The following RPS6KA5 variants were observed in gnomAD, a reference collection of about 807,000 sequenced individuals.
RPS6KA5 encodes ribosomal protein S6 kinase alpha-5.
Under a neutral mutation model 85.5 loss-of-function variants are expected in RPS6KA5, and 27 were observed. The observed-to-expected ratio is 0.32, with a 90% confidence interval of 0.23 to 0.44. RPS6KA5 has a LOEUF of 0.44. RPS6KA5 is among the 20% of genes least tolerant of loss of function. RPS6KA5 has a pLI of 1.00. For missense variants in RPS6KA5, 811 were observed against 980.9 expected, an observed-to-expected ratio of 0.83 and a Z score of 2.31; for synonymous variants, 334 against 348.2, an observed-to-expected ratio of 0.96 and a Z score of 0.46.
chr14:90,906,328 A>G (rs1566722990), intron 7 of RPS6KA5, 29 bp from the exon 8 acceptor site: 1 of 1,537,124 alleles, frequency 6.5e-7, no homozygotes, highest in Non-Finnish European at 8.8e-7. Flanking sequence ...TGCTGTTAAA[A>G]CAAACAGGAT....
At chr14:90,979,682 T>C in intron 2 of RPS6KA5, among the ~76,000 whole-genome samples, 1 of 152,262 alleles carries the variant, frequency 6.6e-6, no homozygotes. Flanking sequence ...CTAATAATCC[T>C]GAGAAGGAGC....
At chr14:91,023,295 T>C (rs1388491396) in intron 1 of RPS6KA5, among the ~76,000 whole-genome samples, 1 of 144,134 alleles carries the variant, frequency 6.9e-6, no homozygotes, top group Non-Finnish European at 1.5e-5. Flanking sequence ...AAATTTTTTC[T>C]TTTTTTTTTT....
At chr14:90,983,112 CAAA>C (rs71117392) in intron 2 of RPS6KA5, among the ~76,000 whole-genome samples, 2 of 137,246 alleles carry the variant, frequency 1.5e-5, no homozygotes, top group Non-Finnish European at 1.6e-5. Flanking sequence ...GATTCCATCT[CAAA>C]AAAAAAAAAA....
At chr14:91,013,720 T>G (rs2041360364) in intron 1 of RPS6KA5, among the ~76,000 whole-genome samples, 1 of 152,174 alleles carries the variant, frequency 6.6e-6, no homozygotes, top group Non-Finnish European at 1.5e-5. Context: ...AGGAGAAGAT[T>G]ATCAGTTCTG....
chr14:91,006,358 T>C (rs912438342), intron 1 of RPS6KA5, among the ~76,000 whole-genome samples: 5 of 152,188 alleles, frequency 3.3e-5, no homozygotes, highest in African/African-American at 7.2e-5. Context: ...ATCTGAATGT[T>C]TGTATCCTCC....
At chr14:90,998,707 A>T (rs1484383449) in intron 2 of RPS6KA5, among the ~76,000 whole-genome samples, 1 of 152,246 alleles carries the variant, frequency 6.6e-6, no homozygotes, top group East Asian at 1.9e-4. Flanking sequence ...TGAAGGTGGA[A>T]ATGTACAATA....
rs1463411322 is a variant in RPS6KA5, at chr14:90,854,175, G to A, written c.*17899C>T. 8.0e-6 allele frequency: 1 copy of A among 125,080 alleles called. No individual in the cohort carries two copies. Among genetic ancestry groups the A allele is most frequent in the Non-Finnish European group, 1.5e-5 (1 of 64,676 alleles). The allele number at this position is 125,080 out of a possible 1,614,324, so 7.7% of individuals were successfully genotyped here. ...TGCAAACTAATTTTAAGTAATTATAGTGCAAGGAGCCTGATGTATGAAGAT... is the reference window on the plus strand; with the variant it reads ...TGCAAACTAATTTTAAGTAATTATAATGCAAGGAGCCTGATGTATGAAGAT... On this transcript the variant is annotated 3_prime_UTR_variant, in exon 17 of 17. Transcript: ENST00000614987.
At chr14:90,894,658 ACTAT>A (rs2034739591) in intron 12 of RPS6KA5, 75 bp from the exon 13 acceptor site, 2 of 1,473,474 alleles carry the variant, frequency 1.4e-6, no homozygotes, top group Non-Finnish European at 1.8e-6. Flanking sequence ...ACATTTATTG[ACTAT>A]CTACCACCAA....
At chr14:90,998,987 TG>T (rs1464282442) in intron 2 of RPS6KA5, among the ~76,000 whole-genome samples, 1 of 152,118 alleles carries the variant, frequency 6.6e-6, no homozygotes, top group East Asian at 1.9e-4. Context: ...ACCAGCACTT[TG>T]GGAGGCTGAG....
chr14:90,934,834 T>C (rs2037176302), intron 5 of RPS6KA5, among the ~76,000 whole-genome samples: 1 of 152,170 alleles, frequency 6.6e-6, no homozygotes, highest in Non-Finnish European at 1.5e-5. Context: ...ATCTCACTAA[T>C]GAACGGCTCA....
chr14:90,906,559 T>A (rs2035516062), intron 7 of RPS6KA5, among the ~76,000 whole-genome samples: 1 of 151,946 alleles, frequency 6.6e-6, no homozygotes, highest in Non-Finnish European at 1.5e-5. Context: ...GAGGCTAACA[T>A]CCCAAATATT....
At chr14:90,915,774 C>T (rs1406417105) in intron 7 of RPS6KA5, among the ~76,000 whole-genome samples, 1 of 151,796 alleles carries the variant, frequency 6.6e-6, no homozygotes, top group East Asian at 1.9e-4. Flanking sequence ...CCACTATATC[C>T]AGACTTGGTG....
chr14:91,059,389 C>A (rs546526708), intron 1 of RPS6KA5, among the ~76,000 whole-genome samples: 2 of 150,060 alleles, frequency 1.3e-5, no homozygotes, highest in Admixed American at 1.3e-4. Context: ...CTGTCAAAAA[C>A]CTTCAACGCT....
intron 12 of RPS6KA5, among the ~76,000 whole-genome samples, chr14:90,898,370 C>T (rs1279979413): frequency 6.6e-6 from 1 of 152,114 alleles, no homozygotes; most frequent in Non-Finnish European, 1.5e-5. Flanking sequence ...CTGCTGCTGC[C>T]TGGTCTCACC....
At chr14:90,891,127 C>T (rs2034528417) in intron 13 of RPS6KA5, among the ~76,000 whole-genome samples, 1 of 151,776 alleles carries the variant, frequency 6.6e-6, no homozygotes, top group African/African-American at 2.4e-5. Flanking sequence ...TGTCTTCATC[C>T]CCATTATGTC....
At chr14:90,951,970 C>A (rs1283360763) in intron 3 of RPS6KA5, among the ~76,000 whole-genome samples, 1 of 152,148 alleles carries the variant, frequency 6.6e-6, no homozygotes. Flanking sequence ...TCCTTTTCCT[C>A]TTTTTGATGC....
chr14:91,029,711 G>A (rs2042112705), intron 1 of RPS6KA5, among the ~76,000 whole-genome samples: 1 of 152,084 alleles, frequency 6.6e-6, no homozygotes, highest in Admixed American at 6.6e-5. Flanking sequence ...AAAAATCTTA[G>A]GGAAGTAAAT....
At chr14:90,937,602 A>G (rs1341108558) in intron 5 of RPS6KA5, among the ~76,000 whole-genome samples, 1 of 152,144 alleles carries the variant, frequency 6.6e-6, no homozygotes, top group East Asian at 1.9e-4. Context: ...GAAATTCACA[A>G]AAGAAAGAGG....
intron 7 of RPS6KA5, among the ~76,000 whole-genome samples, chr14:90,914,836 C>G (rs2036026904): frequency 6.6e-6 from 1 of 152,204 alleles, no homozygotes. Flanking sequence ...CTGCTGGACT[C>G]TAGTCCGGAG....
Sources: allele counts gnomAD v4.1 joint callset (sites outside exome capture counted in the v4.1 genomes callset), GRCh38; gene constraint gnomAD v4.1.1; transcripts MANE v1.5; gene names NCBI Gene and HGNC (gene_info 2026-07-23, HGNC 2026-07-21).